IL15RA: variants seen among roughly 807,000 people sequenced by gnomAD.
IL15RA encodes interleukin 15 receptor subunit alpha, also known as interleukin-15 receptor subunit alpha.
A neutral mutation model predicts 24.2 loss-of-function variants in IL15RA; 26 were observed. That is an observed-to-expected ratio of 1.07 (90% CI 0.79 to 1.49). The LOEUF (loss-of-function observed/expected upper bound fraction) is 1.49. IL15RA is among the 40% of genes most tolerant of loss of function. The probability of loss-of-function intolerance (pLI) is 0.00; values close to 1 mark genes in which losing one functional copy is unlikely to be tolerated. For missense variants in IL15RA, 354 were observed against 356.4 expected (o/e 0.99, Z 0.05); for synonymous variants, 166 against 157.6 (o/e 1.05, Z -0.40).
rs1250977192 is a variant in IL15RA, at chr10:5,953,144, C to T, written c.755G>A (p.Gly252Glu). 1.9e-6 allele frequency: 3 copies of T among 1,614,124 alleles called. No homozygotes were observed. Among genetic ancestry groups the T allele is most frequent in the Non-Finnish European group, 2.5e-6 (3 of 1,180,030 alleles). Reference protein sequence around the residue: ...EAMEALPVTWGTSSRDEDLEN... With the variant: ...EAMEALPVTWETSSRDEDLEN... ...CAAGTCTTCATCTCTGCTGCTGGTC[C>T]CCCAAGTCACCGGCAGAGCCTCCAT... The change falls in exon 7 of 7, where the codon GGG becomes GAG. Residue 252 changes from glycine to glutamate, a missense_variant. Physicochemically the swap from Gly to Glu is moderately conservative, Grantham distance 98 (BLOSUM62 -2). Transcript: ENST00000379977. This position sits in a 1 kb window ranked among gnomAD's most constrained non-coding sequence, Gnocchi z 5.3.
At position 5,975,792 on chromosome 10, in the gene IL15RA, C is replaced by G. The variant is rs938724633; in HGVS notation, c.88+1613G>C. On this transcript the variant is annotated intron_variant, in intron 1 of 6. Transcript: ENST00000379977. The surrounding 1 kb of genome is among the most constrained non-coding windows in gnomAD (Gnocchi z 4.8). ...CCTGTAATCCCAGCTACTCAGGAGG[C>G]TGAGGCAGCAGAATCGCTTGAACCC... Among the ~76,000 whole-genome samples the G allele has an allele frequency of 6.6e-6, 1 of 152,138 alleles. No individual in the cohort carries two copies. Among genetic ancestry groups the G allele is most frequent in the African/African-American group, 2.4e-5 (1 of 41,428 alleles).
In IL15RA at chr10:5,959,769, G is replaced by A; in HGVS notation, c.601C>T (p.His201Tyr). Residue 201 changes from histidine (H) to tyrosine (Y), a missense_variant, in exon 5 of 7, where the codon CAC becomes TAC. His to Tyr is a moderately conservative substitution (Grantham distance 83, BLOSUM62 2). Transcript: ENST00000379977. This position sits in a 1 kb window ranked among gnomAD's most constrained non-coding sequence, Gnocchi z 4.1. ...HQPPGVYPQG[H>Y]SDTTVAISTS... is the part of the protein sequence containing the mutation. ...ACACACTTACCAGTGGTGTCGCTGT[G>A]GCCCTGTGGATACACACCTGCGGAA... 6.2e-7 allele frequency: 1 copy of A among 1,613,910 alleles called. No homozygotes were observed. Among genetic ancestry groups the A allele is most frequent in the Non-Finnish European group, 8.5e-7 (1 of 1,179,906 alleles).
intron 6 of IL15RA, among the ~76,000 whole-genome samples, chr10:5,954,261 G>A (rs1422022140): frequency 6.8e-6 from 1 of 147,432 alleles, no homozygotes; most frequent in Non-Finnish European, 1.5e-5. Context: ...AGCCTCTGCA[G>A]ACAACCACGC....
chr10:5,966,408 C>T lies in IL15RA; in HGVS notation c.89-69G>A, dbSNP rs954090478. 3.8e-6 allele frequency: 5 copies of T among 1,320,726 alleles called. No individual in the cohort carries two copies. The highest frequency in any genetic ancestry group is 2.4e-5 in the East Asian group (1 of 42,504). 81.8% of individuals were successfully genotyped at this position (1,320,726 alleles called of 1,614,324 possible). On this transcript the variant is annotated intron_variant, in intron 1 of 6. Transcript: ENST00000379977. This position sits in a 1 kb window ranked among gnomAD's most constrained non-coding sequence, Gnocchi z 6.4. ...TTGTAAGAGGCGTTCTCCAGGCACA[C>T]GCAGCGGTAGTCAGTGTCCAGCTTA...
intron 1 of IL15RA, among the ~76,000 whole-genome samples, chr10:5,972,624 A>C (rs544650217): frequency 6.6e-6 from 1 of 152,246 alleles, no homozygotes; most frequent in Non-Finnish European, 1.5e-5. Flanking sequence ...AAAATAAGAA[A>C]GGGCAGACAA....
In IL15RA at chr10:5,966,016, C is replaced by T. The variant is rs375723523; in HGVS notation, c.283+129G>A. ...GATTACAGGTGTGAGCCACCGTGCC[C>T]GGCCCCCACTGGTGTGTTTAGCCTC... is the stretch of plus-strand genomic sequence containing the variant. On this transcript the variant is annotated intron_variant, in intron 2 of 6. Coordinates refer to ENST00000379977, the MANE Select transcript of IL15RA (RefSeq NM_002189.4). The surrounding 1 kb of genome is among the most constrained non-coding windows in gnomAD (Gnocchi z 6.4). 31 of 607,482 alleles carry T rather than the reference C, an allele frequency of 5.1e-5. No homozygotes were observed. In the East Asian group the frequency reaches 6.8e-4, roughly 13 times the overall value. 37.6% of individuals were successfully genotyped at this position (607,482 alleles called of 1,614,324 possible). A position where few individuals can be genotyped will look rare whatever the true frequency, so the allele number is the denominator to read the frequency against.
intron 1 of IL15RA, among the ~76,000 whole-genome samples, chr10:5,974,002 G>T (rs1838014031): frequency 6.7e-6 from 1 of 150,296 alleles, no homozygotes; most frequent in South Asian, 2.1e-4. Flanking sequence ...ACATAAGACA[G>T]AGTCAGAAAA....
downstream of IL15RA, chr10:5,950,717 T>C (rs1464069512): frequency 2.0e-5 from 3 of 152,196 alleles, no homozygotes; most frequent in Admixed American, 2.0e-4. The surrounding 1 kb of genome is among the most constrained non-coding windows in gnomAD (Gnocchi z 5.6). Context: ...GGCCTGGCAG[T>C]TTCTATGTTC....
Position 5,961,470 on chromosome 10 carries a change from C to T in IL15RA, c.383-903G>A, listed in dbSNP as rs1425073137. ...AGATCTGAGTCGTTCAGCTTGTTTA[C>T]TAGAGAAGGCAGGCCCAACGCTGGA... is the stretch of plus-strand genomic sequence containing the variant. On this transcript the variant is annotated intron_variant, in intron 3 of 6. Coordinates refer to ENST00000379977, the MANE Select transcript of IL15RA (RefSeq NM_002189.4). The surrounding 1 kb of genome is among the most constrained non-coding windows in gnomAD (Gnocchi z 5.2). Among the ~76,000 whole-genome samples the T allele has an allele frequency of 6.6e-6, 1 of 152,154 alleles. No homozygotes were observed. The highest frequency in any genetic ancestry group is 1.5e-5 in the Non-Finnish European group (1 of 68,038).
chr10:5,952,739 G>A lies in IL15RA; in HGVS notation c.*356C>T. On this transcript the variant is annotated 3_prime_UTR_variant, in exon 7 of 7. Coordinates refer to ENST00000379977, the MANE Select transcript of IL15RA (RefSeq NM_002189.4). Reference sequence around the variant, plus strand: ...CTTTTCTCTGTGAACTGAAAGTTAGGATGAGGGACGGAAGATTCGGGGCAG... The same window carrying A: ...CTTTTCTCTGTGAACTGAAAGTTAGAATGAGGGACGGAAGATTCGGGGCAG... 1 of 287,262 alleles carries A rather than the reference G, an allele frequency of 3.5e-6. No homozygotes were observed. The highest frequency in any genetic ancestry group is 2.2e-5 in the African/African-American group (1 of 45,820). 17.8% of individuals were successfully genotyped at this position (287,262 alleles called of 1,614,324 possible).
In IL15RA at chr10:5,959,725, A is replaced by T; in HGVS notation, c.616+29T>A. 1 of 1,610,758 alleles carries T rather than the reference A, an allele frequency of 6.2e-7. No individual in the cohort carries two copies. ...CTGGGACTGCGGTCACCCTGATCAT[A>T]AACATACCGGACAAAGGGACACACT... On this transcript the variant is annotated intron_variant, in intron 5 of 6. Transcript: ENST00000379977. The surrounding 1 kb of genome is among the most constrained non-coding windows in gnomAD (Gnocchi z 4.1).
At chr10:5,957,648 A>C (rs1314367496) in intron 5 of IL15RA, among the ~76,000 whole-genome samples, 1 of 143,964 alleles carries the variant, frequency 6.9e-6, no homozygotes, top group Non-Finnish European at 1.5e-5. Context: ...GCTGGAGTGC[A>C]GCGGCTCGAG....
rs1399991064 is a variant in IL15RA, at chr10:5,975,524, C to A, written c.88+1881G>T. ...TGTATGCATTTACCTCCAAACTTATCAAAGTGTGCAACTTCAATATATGCA... is the reference window on the plus strand; with the variant it reads ...TGTATGCATTTACCTCCAAACTTATAAAAGTGTGCAACTTCAATATATGCA... On this transcript the variant is annotated intron_variant, in intron 1 of 6. Transcript: ENST00000379977. The surrounding 1 kb of genome is among the most constrained non-coding windows in gnomAD (Gnocchi z 4.8). Among the ~76,000 whole-genome samples the A allele has an allele frequency of 6.6e-6, 1 of 151,220 alleles. No homozygotes were observed. Among genetic ancestry groups the A allele is most frequent in the African/African-American group, 2.4e-5 (1 of 40,854 alleles).
At chr10:5,969,304 T>A (rs956221221) in intron 1 of IL15RA, among the ~76,000 whole-genome samples, 25 of 149,890 alleles carry the variant, frequency 1.7e-4, no homozygotes, top group East Asian at 1.2e-3. Flanking sequence ...TTAAATTAAA[T>A]TTTTTAATTT....
Position 5,952,917 on chromosome 10 carries a change from C to G in IL15RA, c.*178G>C. On this transcript the variant is annotated 3_prime_UTR_variant, in exon 7 of 7. Coordinates refer to ENST00000379977, the MANE Select transcript of IL15RA (RefSeq NM_002189.4). ...GTGGTGCCCATGGGAATGCGGAGAA[C>G]CTGCTCCCTCGCGCAGGAGGCGCCG... 1.6e-6 allele frequency: 1 copy of G among 618,150 alleles called. No homozygotes were observed. The highest frequency in any genetic ancestry group is 2.9e-6 in the Non-Finnish European group (1 of 345,448). 38.3% of individuals were successfully genotyped at this position (618,150 alleles called of 1,614,324 possible). A position where few individuals can be genotyped will look rare whatever the true frequency, so the allele number is the denominator to read the frequency against.
rs145592448 is a variant in IL15RA, at chr10:5,966,333, G to A, written c.95C>T (p.Thr32Met). 2,276 of 1,605,678 alleles carry A rather than the reference G, an allele frequency of 1.4e-3. 4 individuals carry two copies. Among genetic ancestry groups the A allele is most frequent in the Non-Finnish European group, 1.8e-3 (2,132 of 1,172,838 alleles). ...TTCCACGGACATGGGGGGAGGGCAC[G>A]TGATGCCTGCGAAAGTGCAGAGGAC... ...LLRPPATRGI[T>M]CPPPMSVEHA... The change falls in exon 2 of 7, where the codon ACG (threonine) becomes ATG (methionine). Residue 32 changes from threonine (T) to methionine (M), a missense_variant. By Grantham distance (81) the Thr-to-Met change is moderately conservative. Coordinates refer to ENST00000379977, the MANE Select transcript of IL15RA (RefSeq NM_002189.4). This position sits in a 1 kb window ranked among gnomAD's most constrained non-coding sequence, Gnocchi z 6.4.
In IL15RA at chr10:5,959,211, G is replaced by A. The variant is rs8177707; in HGVS notation, c.616+543C>T. 5.4e-3 allele frequency among the ~76,000 whole-genome samples: 761 copies of A among 140,040 alleles called. 7 individuals carry two copies. The highest frequency in any genetic ancestry group is 0.019 in the African/African-American group (729 of 37,416). 91.9% of individuals were successfully genotyped at this position (140,040 alleles called of 152,430 possible). Reference sequence around the variant, plus strand: ...AATAGAGATGGGGTCTTGCTATGTTGACCAGGCTGGCCTCAAATTCTGGCC... The same window carrying A: ...AATAGAGATGGGGTCTTGCTATGTTAACCAGGCTGGCCTCAAATTCTGGCC... On this transcript the variant is annotated intron_variant, in intron 5 of 6. Coordinates refer to ENST00000379977, the MANE Select transcript of IL15RA (RefSeq NM_002189.4). The surrounding 1 kb of genome is among the most constrained non-coding windows in gnomAD (Gnocchi z 4.1).
rs1295059715 is a variant in IL15RA at position 5,968,366 on chromosome 10, C to T, written c.89-2027G>A. Among the ~76,000 whole-genome samples, 1 of 152,072 alleles carries T rather than the reference C, an allele frequency of 6.6e-6. No homozygotes were observed. The highest frequency in any genetic ancestry group is 1.5e-5 in the Non-Finnish European group (1 of 68,022). On this transcript the variant is annotated intron_variant, in intron 1 of 6. Transcript: ENST00000379977. The surrounding 1 kb of genome is among the most constrained non-coding windows in gnomAD (Gnocchi z 5.4). ...GGGGGCAGGGTGGGAGGGGAGAAAT[C>T]TCAAATTCAAGATTGTTCTTTCCAT...
At position 5,968,597 on chromosome 10, in the gene IL15RA, C is replaced by T. The variant is rs1300722327; in HGVS notation, c.89-2258G>A. The T allele has an allele frequency of 3.4e-6, 2 of 588,296 alleles. No homozygotes were observed. Among genetic ancestry groups the T allele is most frequent in the African/African-American group, 1.9e-5 (1 of 53,728 alleles). 36.4% of individuals were successfully genotyped at this position (588,296 alleles called of 1,614,324 possible). A position where few individuals can be genotyped will look rare whatever the true frequency, so the allele number is the denominator to read the frequency against. On this transcript the variant is annotated intron_variant, in intron 1 of 6. Transcript: ENST00000379977. This position sits in a 1 kb window ranked among gnomAD's most constrained non-coding sequence, Gnocchi z 5.4. ...ATGCTGCTGTTGCTATGGTTACCTG[C>T]AGAGCCCCACTGGCTTTGAGGCCTC...
Sources: allele counts gnomAD v4.1 joint callset (sites outside exome capture counted in the v4.1 genomes callset), GRCh38; gene constraint gnomAD v4.1.1; non-coding constraint Gnocchi (gnomAD v3.1); transcripts MANE v1.5; gene names NCBI Gene and HGNC (gene_info 2026-07-23, HGNC 2026-07-21).